Variants in PALM2AKAP2 observed in about 807,000 individuals in gnomAD.
PALM2AKAP2 encodes PALM2-AKAP2 fusion protein.
A neutral mutation model predicts 71.5 loss-of-function variants in PALM2AKAP2; 37 were observed. That is an observed-to-expected ratio of 0.52 (90% CI 0.40 to 0.68). PALM2AKAP2 has a LOEUF of 0.68. Among genes scored for constraint, PALM2AKAP2 ranks in the 30% least tolerant of loss-of-function variants. PALM2AKAP2 has a pLI of 0.00. For synonymous variants in PALM2AKAP2, 468 were observed against 478.8 expected, an observed-to-expected ratio of 0.98 and a Z score of 0.29; for missense variants, 1,224 against 1,191.8, an observed-to-expected ratio of 1.03 and a Z score of -0.40.
intron 2 of PALM2AKAP2, among the ~76,000 whole-genome samples, chr9:109,870,199 T>G (rs1829568554): frequency 6.6e-6 from 1 of 152,158 alleles, no homozygotes; most frequent in South Asian, 2.1e-4. Context: ...GAATTCATCC[T>G]CCCTATAATT....
intron 1 of PALM2AKAP2, among the ~76,000 whole-genome samples, chr9:109,831,311 C>T (rs1322739825): frequency 1.3e-5 from 2 of 152,142 alleles, no homozygotes; most frequent in Non-Finnish European, 1.5e-5. Flanking sequence ...GATGAGTACT[C>T]CCCACCAGGG....
intron 6 of PALM2AKAP2, among the ~76,000 whole-genome samples, chr9:110,010,449 AC>A: frequency 6.7e-6 from 1 of 148,350 alleles, no homozygotes; most frequent in African/African-American, 2.4e-5. Flanking sequence ...TAATATACAT[AC>A]TATATATATA....
At chr9:109,735,141 A>G (rs1828610946) in intron 1 of PALM2AKAP2, among the ~76,000 whole-genome samples, 1 of 149,888 alleles carries the variant, frequency 6.7e-6, no homozygotes, top group Non-Finnish European at 1.5e-5. Flanking sequence ...GTCTTCTTCC[A>G]GTTCTCTGTG....
At chr9:110,058,674 G>A (rs1285211691) in intron 1 of PALM2AKAP2, among the ~76,000 whole-genome samples, 2 of 152,024 alleles carry the variant, frequency 1.3e-5, no homozygotes, top group Non-Finnish European at 2.9e-5. Flanking sequence ...TCAATGCCAC[G>A]ACACTGTAGC....
chr9:109,691,861 TATATATAC>T lies in PALM2AKAP2; in HGVS notation c.5+50997_5+51004del, dbSNP rs1448947169. 5.2e-4 allele frequency among the ~76,000 whole-genome samples: 23 copies of T among 44,600 alleles called. 2 individuals carry two copies. Among genetic ancestry groups the T allele is most frequent in the Admixed American group, 1.1e-3 (4 of 3,480 alleles). The allele number at this position is 44,600 out of a possible 152,430, so 29.3% of individuals were successfully genotyped here. A position where few individuals can be genotyped will look rare whatever the true frequency, so the allele number is the denominator to read the frequency against. On this transcript the variant is annotated intron_variant, in intron 1 of 6. Transcript: ENST00000374531. ...ATATATATATATATATATATATATATATATATACACACACACACACATATATATATATA... is the reference window on the plus strand; with the variant it reads ...ATATATATATATATATATATATATATACACACACACACATATATATATATA...
chr9:110,157,611 A>G (rs924010322), intron 3 of PALM2AKAP2, among the ~76,000 whole-genome samples: 36 of 151,946 alleles, frequency 2.4e-4, no homozygotes, highest in African/African-American at 8.5e-4. Flanking sequence ...TGTTGCTCAG[A>G]CTGTTCTTCA....
chr9:109,889,192 T>TA (rs1830033326), intron 3 of PALM2AKAP2, among the ~76,000 whole-genome samples: 1 of 152,238 alleles, frequency 6.6e-6, no homozygotes, highest in African/African-American at 2.4e-5. Context: ...TGTTCAGAGT[T>TA]AAAAAGAAAT....
chr9:109,842,091 T>TGA, intron 1 of PALM2AKAP2, among the ~76,000 whole-genome samples: 1 of 152,040 alleles, frequency 6.6e-6, no homozygotes, highest in Non-Finnish European at 1.5e-5. Context: ...ACAGACTCTC[T>TGA]GGGCCTCAGT....
chr9:109,932,342 G>A (rs1831125668), intron 6 of PALM2AKAP2, among the ~76,000 whole-genome samples: 1 of 152,132 alleles, frequency 6.6e-6, no homozygotes, highest in Non-Finnish European at 1.5e-5. Context: ...TGCCTCCAGG[G>A]ATTTTCATTT....
chr9:110,091,770 T>TTTATTTA (rs1352001841), intron 1 of PALM2AKAP2, among the ~76,000 whole-genome samples: 3 of 152,176 alleles, frequency 2.0e-5, no homozygotes, highest in African/African-American at 7.2e-5. Context: ...CCAAGATTTA[T>TTTATTTA]TTATTTTTTA....
At chr9:110,025,387 C>T (rs1052098218) in intron 7 of PALM2AKAP2, 6 of 846,812 alleles carry the variant, frequency 7.1e-6, no homozygotes, top group Non-Finnish European at 1.2e-5. Flanking sequence ...GATGGAGGTT[C>T]CGCCCGAAAG....
intron 1 of PALM2AKAP2, among the ~76,000 whole-genome samples, chr9:110,058,602 T>G (rs1251918547): frequency 6.6e-6 from 1 of 152,156 alleles, no homozygotes; most frequent in Admixed American, 6.6e-5. Context: ...AAGCGCTGTT[T>G]CTACCATCTT....
chr9:109,718,665 CA>C (rs1247985186), intron 1 of PALM2AKAP2, among the ~76,000 whole-genome samples: 1 of 152,020 alleles, frequency 6.6e-6, no homozygotes. Flanking sequence ...CTAGTTTCCC[CA>C]TTGTTAACAT....
intron 1 of PALM2AKAP2, among the ~76,000 whole-genome samples, chr9:109,673,692 G>A (rs1360997700): frequency 6.6e-6 from 1 of 152,048 alleles, no homozygotes; most frequent in Non-Finnish European, 1.5e-5. Context: ...TATTGTCAGT[G>A]GGGTGTTAAT....
At chr9:109,964,463 GA>G (rs1337601330) in intron 6 of PALM2AKAP2, among the ~76,000 whole-genome samples, 9 of 152,246 alleles carry the variant, frequency 5.9e-5, no homozygotes. Flanking sequence ...AGGAGCGAGA[GA>G]AGAAGGGACA....
At chr9:109,695,419 C>G (rs1827955786) in intron 1 of PALM2AKAP2, among the ~76,000 whole-genome samples, 4 of 152,132 alleles carry the variant, frequency 2.6e-5, no homozygotes, top group Non-Finnish European at 4.4e-5. Context: ...TTCCCACCAC[C>G]ATATAAGCAT....
chr9:109,679,691 C>A (rs1827697290), intron 1 of PALM2AKAP2, among the ~76,000 whole-genome samples: 1 of 152,086 alleles, frequency 6.6e-6, no homozygotes, highest in African/African-American at 2.4e-5. Context: ...TATGTGAGCT[C>A]AGGGGTATGA....
At chr9:109,780,285 G>T, upstream of PALM2AKAP2, 3 of 1,218,678 alleles carry the variant, frequency 2.5e-6, no homozygotes, top group Non-Finnish European at 3.1e-6. Context: ...CAGGCGGCCG[G>T]GAGGGCGGGG....
At chr9:109,742,232 A>C (rs1828725346) in intron 1 of PALM2AKAP2, among the ~76,000 whole-genome samples, 1 of 151,776 alleles carries the variant, frequency 6.6e-6, no homozygotes, top group Non-Finnish European at 1.5e-5. Context: ...ACATGTACAA[A>C]TGAGTACATG....
Sources: allele counts gnomAD v4.1 joint callset (sites outside exome capture counted in the v4.1 genomes callset), GRCh38; gene constraint gnomAD v4.1.1; transcripts MANE v1.5; gene names NCBI Gene and HGNC (gene_info 2026-07-23, HGNC 2026-07-21).